The following TRPC5 variants were observed in gnomAD, a reference collection of about 807,000 sequenced individuals.
TRPC5 encodes the protein short transient receptor potential channel 5.
Under a neutral mutation model 56.5 loss-of-function variants are expected in TRPC5, and 9 were observed. That is an observed-to-expected ratio of 0.16 (90% CI 0.10 to 0.28). The LOEUF (loss-of-function observed/expected upper bound fraction) is 0.28. TRPC5 is among the 10% of genes least tolerant of loss of function. The pLI is 1.00. For missense variants in TRPC5, 469 were observed against 748.9 expected (o/e 0.63, Z 4.36); for synonymous variants, 282 against 278.5 (o/e 1.01, Z -0.13).
chrX:111,858,626 T>C (rs1363447270), intron 3 of TRPC5, among the ~76,000 whole-genome samples: 7 of 111,006 alleles, frequency 6.3e-5, no homozygotes, highest in Non-Finnish European at 1.3e-4. Context: ...CCCCTACATC[T>C]TTGTGCAGCT....
intron 1 of TRPC5, among the ~76,000 whole-genome samples, chrX:112,037,777 G>A (rs1336809991): frequency 8.9e-6 from 1 of 111,784 alleles, no homozygotes; most frequent in Non-Finnish European, 1.9e-5. Context: ...TCAGTTGGTA[G>A]AGGTGAAATG....
intron 7 of TRPC5, among the ~76,000 whole-genome samples, chrX:111,827,707 G>T: frequency 8.9e-6 from 1 of 111,750 alleles, no homozygotes; most frequent in East Asian, 2.8e-4. Flanking sequence ...TAGTGCAATG[G>T]TCTCATAATT....
intron 7 of TRPC5, among the ~76,000 whole-genome samples, chrX:111,805,312 CT>C (rs1192531089): frequency 9.0e-6 from 1 of 111,446 alleles, no homozygotes; most frequent in African/African-American, 3.3e-5. Context: ...CTAAAATTCT[CT>C]TTTTTTGTTG....
At chrX:112,040,570 T>C (rs774913086) in intron 1 of TRPC5, among the ~76,000 whole-genome samples, 11 of 111,561 alleles carry the variant, frequency 9.9e-5, no homozygotes, top group African/African-American at 3.6e-4. Context: ...CCAACTGATA[T>C]ACAATGAGGA....
At chrX:111,945,924 T>G (rs186666641) in intron 2 of TRPC5, among the ~76,000 whole-genome samples, 90 of 112,538 alleles carry the variant, frequency 8.0e-4, no homozygotes, top group Middle Eastern at 4.7e-3. Flanking sequence ...CTTGCCCGTC[T>G]AAACCAAAGG....
chrX:111,875,431 G>C lies in TRPC5; in HGVS notation c.901-21325C>G, dbSNP rs12839715. The stretch of plus-strand genomic sequence containing the variant: ...GTGAACAGGGTGGTTTTGGCCTGGA[G>C]GGGGACTGACAGCAGGGGATTCACT... On this transcript the variant is annotated intron_variant, in intron 3 of 10. Transcript: ENST00000262839. Among the ~76,000 whole-genome samples the C allele has an allele frequency of 1.2e-4, 13 of 110,752 alleles. No homozygotes were observed. The East Asian group carries it at 3.7e-3, about 31-fold the overall frequency.
chrX:111,821,113 G>A (rs1922016501), intron 7 of TRPC5, among the ~76,000 whole-genome samples: 1 of 111,285 alleles, frequency 9.0e-6, no homozygotes, highest in African/African-American at 3.3e-5. Context: ...TAATGAATGA[G>A]GAGGCCTACG....
intron 7 of TRPC5, among the ~76,000 whole-genome samples, chrX:111,833,317 C>G (rs188182458): frequency 9.0e-6 from 1 of 111,239 alleles, no homozygotes; most frequent in African/African-American, 3.3e-5. Context: ...GATTTCAATA[C>G]CCTCACTTTT....
At chrX:111,875,417 G>A (rs1923891714) in intron 3 of TRPC5, among the ~76,000 whole-genome samples, 1 of 110,517 alleles carries the variant, frequency 9.0e-6, no homozygotes. Context: ...TGAACAGGGT[G>A]GTTTTGGCCT....
At chrX:111,951,258 A>C (rs1927080477) in intron 2 of TRPC5, among the ~76,000 whole-genome samples, 1 of 112,083 alleles carries the variant, frequency 8.9e-6, no homozygotes, top group African/African-American at 3.2e-5. Flanking sequence ...ATTTCTAACA[A>C]GTACCCAGGT....
chrX:111,941,510 G>T (rs1037058459), intron 2 of TRPC5, among the ~76,000 whole-genome samples: 1 of 112,200 alleles, frequency 8.9e-6, no homozygotes, highest in African/African-American at 3.2e-5. Context: ...CTGCTGGTTA[G>T]GTCAGGGATG....
At chrX:111,963,323 G>C (rs769380225) in intron 1 of TRPC5, among the ~76,000 whole-genome samples, 1 of 112,403 alleles carries the variant, frequency 8.9e-6, no homozygotes. Context: ...CAAAGCAGCC[G>C]GGAAGCTCGA....
chrX:111,950,319 C>T (rs1239506507), intron 2 of TRPC5, among the ~76,000 whole-genome samples: 1 of 102,469 alleles, frequency 9.8e-6, no homozygotes, highest in Admixed American at 1.0e-4. Flanking sequence ...AGTGAGACTC[C>T]ATCTCAAAAA....
rs1945872103 is a variant in TRPC5, at chrX:111,775,716, T to G, written c.*597A>C. On this transcript the variant is annotated 3_prime_UTR_variant, in exon 11 of 11. Coordinates refer to ENST00000262839, the MANE Select transcript of TRPC5 (RefSeq NM_012471.3). Reference sequence around the variant, plus strand: ...CAATAGCCCCCACAATAAGAAGTTGTAGTATTTAAGAACGAAACAAGCCAC... The same window carrying G: ...CAATAGCCCCCACAATAAGAAGTTGGAGTATTTAAGAACGAAACAAGCCAC... The G allele has an allele frequency of 8.9e-6, 1 of 112,343 alleles. No homozygotes were observed. Among genetic ancestry groups the G allele is most frequent in the African/African-American group, 3.2e-5 (1 of 30,795 alleles). The allele number at this position is 112,343 out of a possible 1,213,427, so 9.3% of individuals were successfully genotyped here.
intron 1 of TRPC5, among the ~76,000 whole-genome samples, chrX:111,976,408 T>C (rs1273012266): frequency 1.8e-5 from 2 of 110,798 alleles, no homozygotes; most frequent in Admixed American, 9.6e-5. Flanking sequence ...GGAGTGCCAC[T>C]CTCACTGACA....
chrX:111,802,832 A>G (rs181912726), intron 7 of TRPC5, among the ~76,000 whole-genome samples: 3 of 111,571 alleles, frequency 2.7e-5, no homozygotes, highest in African/African-American at 6.5e-5. Context: ...TGCATGTTAT[A>G]TCTATATCTT....
chrX:111,954,845 C>T (rs952412845), intron 1 of TRPC5, among the ~76,000 whole-genome samples: 1 of 111,606 alleles, frequency 9.0e-6, no homozygotes, highest in African/African-American at 3.3e-5. Context: ...CTAACTCAAT[C>T]GGTGTCCTAT....
intron 1 of TRPC5, among the ~76,000 whole-genome samples, chrX:112,056,763 T>C (rs1259892057): frequency 1.8e-5 from 2 of 112,135 alleles, no homozygotes; most frequent in African/African-American, 6.5e-5. Flanking sequence ...ATTTTTACCA[T>C]TAACTGCACT....
chrX:111,806,765 A>AT lies in TRPC5; in HGVS notation c.1897-24628dup, dbSNP rs1013488968. 2.2e-4 allele frequency among the ~76,000 whole-genome samples: 23 copies of AT among 106,514 alleles called. No homozygotes were observed. The East Asian group carries it at 3.3e-3, about 15-fold the overall frequency. 92.5% of individuals were successfully genotyped at this position (106,514 alleles called of 115,157 possible). The stretch of plus-strand genomic sequence containing the variant: ...ATATCCATCACCTCAAACAGTTACC[A>AT]TTTTTTTTTCGTTTGTTTATCTGGG... On this transcript the variant is annotated intron_variant, in intron 7 of 10. Transcript: ENST00000262839.
Sources: gnomAD v4.1 joint callset for allele counts (sites outside exome capture counted in the v4.1 genomes callset) on GRCh38, gnomAD v4.1.1 for gene constraint, MANE v1.5 for transcripts, NCBI Gene and HGNC (gene_info 2026-07-23, HGNC 2026-07-21) for gene names.